MRTFA: variants seen among roughly 807,000 people sequenced by gnomAD.
The protein encoded by MRTFA is myocardin related transcription factor A.
A neutral mutation model predicts 83.5 loss-of-function variants in MRTFA; 20 were observed. The ratio of observed to expected loss-of-function variants is 0.24; its 90% CI spans 0.17 to 0.35. The LOEUF is 0.35. Among genes scored for constraint, MRTFA ranks in the 10% least tolerant of loss-of-function variants. MRTFA has a pLI of 1.00. For missense variants in MRTFA, 1,200 were observed against 1,224.7 expected, an observed-to-expected ratio of 0.98 and a Z score of 0.30; for synonymous variants, 659 against 541.2, an observed-to-expected ratio of 1.22 and a Z score of -3.02.
intron 3 of MRTFA, among the ~76,000 whole-genome samples, chr22:40,488,148 G>A (rs374720442): frequency 7.9e-5 from 12 of 152,292 alleles, no homozygotes; most frequent in Middle Eastern, 3.4e-3. Flanking sequence ...GTACAAAAGG[G>A]ATTAGGTAAG....
In MRTFA at chr22:40,416,584, A is replaced by T. The variant is rs1323432127; in HGVS notation, c.2578+402T>A. On this transcript the variant is annotated intron_variant, in intron 14 of 14. Coordinates refer to ENST00000355630, the MANE Select transcript of MRTFA (RefSeq NM_020831.6). This position sits in a 1 kb window ranked among gnomAD's most constrained non-coding sequence, Gnocchi z 4.2. The stretch of plus-strand genomic sequence containing the variant: ...GATGCACACAGCTGCCCCTGCTCAC[A>T]GGAGACATCCTGGACCTTCCCCACC... Among the ~76,000 whole-genome samples the T allele has an allele frequency of 6.6e-6, 1 of 152,222 alleles. No homozygotes were observed.
At chr22:40,566,557 A>G (rs1351923053) in intron 2 of MRTFA, among the ~76,000 whole-genome samples, 2 of 151,982 alleles carry the variant, frequency 1.3e-5, no homozygotes, top group African/African-American at 4.8e-5. Flanking sequence ...AGGGCTGGGC[A>G]TGGTGGCTCA....
intron 2 of MRTFA, among the ~76,000 whole-genome samples, chr22:40,592,148 C>T (rs2056129129): frequency 6.6e-6 from 1 of 151,404 alleles, no homozygotes; most frequent in Non-Finnish European, 1.5e-5. Flanking sequence ...AATGTGTGGG[C>T]CAGGCATGGT....
At chr22:40,611,949 GCTT>G (rs2056392594) in intron 1 of MRTFA, among the ~76,000 whole-genome samples, 1 of 152,130 alleles carries the variant, frequency 6.6e-6, no homozygotes, top group African/African-American at 2.4e-5. Flanking sequence ...AAATGTTTTT[GCTT>G]CTTCTCATCT....
Position 40,459,782 on chromosome 22 carries a change from T to TACACACAC in MRTFA, c.307+3431_307+3438dup, listed in dbSNP as rs745698441. On this transcript the variant is annotated intron_variant, in intron 4 of 14. Coordinates refer to ENST00000355630, the MANE Select transcript of MRTFA (RefSeq NM_020831.6). ...CACTGGGGACGGGACTGATAAAATATACACACACACACACACACACACACA... is the reference window on the plus strand; with the variant it reads ...CACTGGGGACGGGACTGATAAAATATACACACACACACACACACACACACACACACACA... Among the ~76,000 whole-genome samples, 254 of 88,914 alleles carry TACACACAC rather than the reference T, an allele frequency of 2.9e-3. 1 individual carries two copies. Among genetic ancestry groups the TACACACAC allele is most frequent in the Non-Finnish European group, 3.5e-3 (169 of 48,566 alleles). 58.3% of individuals were successfully genotyped at this position (88,914 alleles called of 152,430 possible).
chr22:40,500,111 A>G (rs1297050533), intron 3 of MRTFA, among the ~76,000 whole-genome samples: 5 of 151,100 alleles, frequency 3.3e-5, no homozygotes, highest in Admixed American at 3.3e-4. Context: ...TTGTATTTTT[A>G]GTAGAGATGG....
At chr22:40,440,175 T>C (rs1462865061) in intron 4 of MRTFA, among the ~76,000 whole-genome samples, 1 of 147,960 alleles carries the variant, frequency 6.8e-6, no homozygotes, top group Non-Finnish European at 1.5e-5. Flanking sequence ...AAAAAAAGAA[T>C]TCAAGATCAT....
Position 40,575,841 on chromosome 22 carries a change from A to G in MRTFA, c.-22+18833T>C, listed in dbSNP as rs574086849. Among the ~76,000 whole-genome samples, 13 of 152,332 alleles carry G rather than the reference A, an allele frequency of 8.5e-5. No individual in the cohort carries two copies. The South Asian group carries it at 2.3e-3, about 27-fold the overall frequency. On this transcript the variant is annotated intron_variant, in intron 2 of 14. Transcript: ENST00000355630. ...CAACCTAATATTTATCCCGATGAGTATAACAACAACTCTCACAAGTTAACT... is the reference window on the plus strand; with the variant it reads ...CAACCTAATATTTATCCCGATGAGTGTAACAACAACTCTCACAAGTTAACT...
At chr22:40,426,836 T>C (rs1297235967) in intron 7 of MRTFA, among the ~76,000 whole-genome samples, 5 of 152,172 alleles carry the variant, frequency 3.3e-5, no homozygotes, top group Non-Finnish European at 7.3e-5. Flanking sequence ...ATGAGTGTTA[T>C]TGCTGACAAC....
intron 3 of MRTFA, among the ~76,000 whole-genome samples, chr22:40,464,327 A>C (rs1467449681): frequency 6.6e-6 from 1 of 150,868 alleles, no homozygotes; most frequent in Non-Finnish European, 1.5e-5. Flanking sequence ...AAAAAAAAAA[A>C]AAAAACAACT....
At chr22:40,571,183 G>A (rs957619409) in intron 2 of MRTFA, among the ~76,000 whole-genome samples, 1 of 151,732 alleles carries the variant, frequency 6.6e-6, no homozygotes, top group Non-Finnish European at 1.5e-5. Flanking sequence ...GCATAGTATG[G>A]GCGACAGGAG....
At chr22:40,620,329 G>T (rs989918833) in intron 1 of MRTFA, among the ~76,000 whole-genome samples, 4 of 151,440 alleles carry the variant, frequency 2.6e-5, no homozygotes, top group African/African-American at 9.7e-5. Flanking sequence ...TCTCTATGTT[G>T]GTCAGGCTGG....
At chr22:40,482,055 C>T (rs2054101417) in intron 3 of MRTFA, among the ~76,000 whole-genome samples, 1 of 142,856 alleles carries the variant, frequency 7.0e-6, no homozygotes, top group Non-Finnish European at 1.5e-5. Context: ...GCAAGACTCC[C>T]ATCTCAAAAA....
intron 3 of MRTFA, 76 bp from the exon 4 acceptor site, chr22:40,463,362 CA>C: frequency 6.4e-6 from 8 of 1,255,852 alleles, no homozygotes; most frequent in Admixed American, 1.8e-5. Context: ...TTTTCAAACG[CA>C]AAAAAAGTCT....
intron 3 of MRTFA, among the ~76,000 whole-genome samples, chr22:40,529,875 T>C (rs2055046857): frequency 6.6e-6 from 1 of 152,184 alleles, no homozygotes; most frequent in African/African-American, 2.4e-5. Flanking sequence ...AGTTCTCTAT[T>C]CCCCTTTATT....
At chr22:40,443,965 A>G (rs929068901) in intron 4 of MRTFA, among the ~76,000 whole-genome samples, 1 of 152,214 alleles carries the variant, frequency 6.6e-6, no homozygotes, top group African/African-American at 2.4e-5. Context: ...GTGCATACAG[A>G]CTACATTGGG....
intron 3 of MRTFA, among the ~76,000 whole-genome samples, chr22:40,520,398 T>A (rs1020639319): frequency 3.9e-5 from 6 of 151,972 alleles, no homozygotes; most frequent in Non-Finnish European, 7.4e-5. Context: ...TTGGAAAATG[T>A]TTTTAAGGTT....
At chr22:40,531,433 C>A (rs2055080663) in intron 3 of MRTFA, among the ~76,000 whole-genome samples, 1 of 151,946 alleles carries the variant, frequency 6.6e-6, no homozygotes, top group Non-Finnish European at 1.5e-5. Context: ...CACCAAAACC[C>A]CCAAGCTCCA....
At chr22:40,506,586 A>G (rs893126576) in intron 3 of MRTFA, among the ~76,000 whole-genome samples, 1 of 152,234 alleles carries the variant, frequency 6.6e-6, no homozygotes, top group East Asian at 1.9e-4. Flanking sequence ...TCAGTGCCCA[A>G]CGAGGTTGGA....
Sources: gnomAD v4.1 joint callset for allele counts (sites outside exome capture counted in the v4.1 genomes callset) on GRCh38, gnomAD v4.1.1 for gene constraint, Gnocchi (gnomAD v3.1) non-coding constraint, MANE v1.5 for transcripts, NCBI Gene and HGNC (gene_info 2026-07-23, HGNC 2026-07-21) for gene names.